The following PARD3B variants were observed in gnomAD, a reference collection of about 807,000 sequenced individuals.
PARD3B encodes the protein partitioning defective 3 homolog B.
A neutral mutation model predicts 130.2 loss-of-function variants in PARD3B; 103 were observed. The observed-to-expected ratio is 0.79, with a 90% CI of 0.67 to 0.93. PARD3B has a LOEUF of 0.93. Ranked by LOEUF, PARD3B falls within the 40% of genes least tolerant of loss-of-function variation. The pLI, the probability that PARD3B is intolerant of heterozygous loss-of-function variation, is 0.00. For synonymous variants in PARD3B, 583 were observed against 553.2 expected (o/e 1.05, Z -0.76); for missense variants, 1,609 against 1,499.2 (o/e 1.07, Z -1.21).
intron 2 of PARD3B, among the ~76,000 whole-genome samples, chr2:204,869,782 C>A (rs1423162078): frequency 6.6e-6 from 1 of 151,956 alleles, no homozygotes; most frequent in African/African-American, 2.4e-5. Context: ...TCATCTCTAC[C>A]CTTAACTTTT....
intron 2 of PARD3B, among the ~76,000 whole-genome samples, chr2:204,705,906 A>G (rs75843267): frequency 0.036 from 5,438 of 152,204 alleles, 274 homozygotes; most frequent in East Asian, 0.14. Flanking sequence ...AACTGATACT[A>G]TGCGGTCCTT....
Position 205,539,939 on chromosome 2 carries a change from G to C in PARD3B, c.3181-13385G>C, listed in dbSNP as rs565018418. On this transcript the variant is annotated intron_variant, in intron 21 of 22. Coordinates refer to ENST00000406610, the MANE Select transcript of PARD3B (RefSeq NM_001302769.2). ...CTTTCACTAGTTCGAAAGTAACTCA[G>C]GAACAGAGGGGAAAAGACTCAGCAG... Among the ~76,000 whole-genome samples the C allele has an allele frequency of 2.8e-4, 43 of 152,266 alleles. 1 individual carries two copies. The highest frequency in any genetic ancestry group is 6.8e-3 in the Middle Eastern group (2 of 294).
chr2:205,113,571 G>C lies in PARD3B; in HGVS notation c.674G>C (p.Ser225Thr), dbSNP rs766856726. 6.2e-7 allele frequency: 1 copy of C among 1,610,388 alleles called. No homozygotes were observed. The highest frequency in any genetic ancestry group is 8.5e-7 in the Non-Finnish European group (1 of 1,177,522). The change falls in exon 6 of 23, where the codon AGT becomes ACT. Residue 225 changes from serine (S) to threonine (T), a missense_variant. By Grantham distance (58) the Ser-to-Thr change is moderately conservative (BLOSUM62 1). Transcript: ENST00000406610. ...GTAGTGCCCTTCTTTTCATCTCTGAGTGGAAGGTAAGATGTTTTTCTCATT... is the reference window on the plus strand; with the variant it reads ...GTAGTGCCCTTCTTTTCATCTCTGACTGGAAGGTAAGATGTTTTTCTCATT... ...IHVVPFFSSL[S>T]GRILGLFIRG...
chr2:204,639,035 C>T (rs2034986049), intron 1 of PARD3B, among the ~76,000 whole-genome samples: 1 of 152,114 alleles, frequency 6.6e-6, no homozygotes, highest in Non-Finnish European at 1.5e-5. Context: ...TCCCAGCCTG[C>T]TCTCACTGAC....
intron 3 of PARD3B, among the ~76,000 whole-genome samples, chr2:204,973,728 AC>A (rs1691911509): frequency 6.6e-6 from 1 of 152,100 alleles, no homozygotes; most frequent in African/African-American, 2.4e-5. Flanking sequence ...CAATATATAC[AC>A]ATTTGGTTAT....
chr2:204,873,336 A>G (rs892340275), intron 2 of PARD3B, among the ~76,000 whole-genome samples: 2 of 152,170 alleles, frequency 1.3e-5, no homozygotes, highest in Non-Finnish European at 2.9e-5. Flanking sequence ...TGTTTTTCCT[A>G]TCATAGCAGG....
At chr2:204,850,879 A>G (rs956050598) in intron 2 of PARD3B, among the ~76,000 whole-genome samples, 3 of 152,194 alleles carry the variant, frequency 2.0e-5, no homozygotes, top group African/African-American at 7.2e-5. Context: ...CTTGATCATT[A>G]TGACTGTCTG....
Position 204,980,113 on chromosome 2 carries a change from C to T in PARD3B, c.394+14790C>T, listed in dbSNP as rs991787449. 3.9e-5 allele frequency among the ~76,000 whole-genome samples: 6 copies of T among 152,052 alleles called. No individual in the cohort carries two copies. In the South Asian group the frequency reaches 1.2e-3, roughly 32 times the overall value. Reference sequence around the variant, plus strand: ...TAGTGTACAGGATACATAAATAACTCCTAAAAGTCATAAGAGGAAAGCATC... The same window carrying T: ...TAGTGTACAGGATACATAAATAACTTCTAAAAGTCATAAGAGGAAAGCATC... On this transcript the variant is annotated intron_variant, in intron 3 of 22. Transcript: ENST00000406610.
At chr2:205,583,384 T>TGTGTGTGC in intron 22 of PARD3B, among the ~76,000 whole-genome samples, 1 of 68,164 alleles carries the variant, frequency 1.5e-5, no homozygotes, top group East Asian at 4.6e-4. Context: ...GCTCTGTGTG[T>TGTGTGTGC]GTGTGTGTGT....
rs1486784619 is a variant in PARD3B at position 205,125,489 on chromosome 2, T to A, written c.1306-120T>A. On this transcript the variant is annotated intron_variant, in intron 9 of 22. Transcript: ENST00000406610. The surrounding 1 kb of genome is among the most constrained non-coding windows in gnomAD (Gnocchi z 4.0). ...GTTTTGCCCATGTATTTAGTTATCA[T>A]CTTTTCAGAGCTTCCTCAAGTATGG... The A allele has an allele frequency of 8.6e-7, 1 of 1,163,230 alleles. No homozygotes were observed. Among genetic ancestry groups the A allele is most frequent in the African/African-American group, 1.5e-5 (1 of 65,094 alleles). The allele number at this position is 1,163,230 out of a possible 1,614,324, so 72.1% of individuals were successfully genotyped here.
chr2:205,234,720 C>A (rs1036067103), intron 15 of PARD3B, among the ~76,000 whole-genome samples: 1 of 152,108 alleles, frequency 6.6e-6, no homozygotes, highest in Non-Finnish European at 1.5e-5. Flanking sequence ...ACACTCTGCA[C>A]AACAACTGAA....
At chr2:205,469,552 G>GCCC (rs2048752007) in intron 20 of PARD3B, among the ~76,000 whole-genome samples, 11 of 152,294 alleles carry the variant, frequency 7.2e-5, no homozygotes, top group Middle Eastern at 3.4e-3. Context: ...TGCTTCAGAA[G>GCCC]CTTCTTAAGG....
At chr2:205,220,564 T>C (rs1371707934) in intron 15 of PARD3B, among the ~76,000 whole-genome samples, 7 of 152,276 alleles carry the variant, frequency 4.6e-5, no homozygotes, top group Admixed American at 2.0e-4. Context: ...GCTCCAGAGA[T>C]AAAACAGTGA....
chr2:205,529,406 A>G (rs1002706897), intron 21 of PARD3B, among the ~76,000 whole-genome samples: 9 of 152,198 alleles, frequency 5.9e-5, no homozygotes, highest in Non-Finnish European at 1.3e-4. Flanking sequence ...TAGGGAAGAG[A>G]TCTTACAGCA....
rs1044909154 is a variant in PARD3B, at chr2:205,263,429, T to C, written c.2185+17607T>C. Among the ~76,000 whole-genome samples the C allele has an allele frequency of 1.3e-5, 2 of 151,284 alleles. No homozygotes were observed. Among genetic ancestry groups the C allele is most frequent in the Admixed American group, 1.3e-4 (2 of 15,138 alleles). On this transcript the variant is annotated intron_variant, in intron 16 of 22. Transcript: ENST00000406610. The surrounding 1 kb of genome is among the most constrained non-coding windows in gnomAD (Gnocchi z 4.0). ...AAGGAGTTTCCCTTTATCATTTAAA[T>C]AGCAAACAGAATGAACATTTTAAAG...
intron 1 of PARD3B, among the ~76,000 whole-genome samples, chr2:204,592,605 A>T (rs2033124225): frequency 6.6e-6 from 1 of 152,230 alleles, no homozygotes; most frequent in Admixed American, 6.5e-5. Context: ...TAATTTTTAT[A>T]ACAGCTTTAT....
At chr2:205,302,207 T>G (rs537999404) in intron 18 of PARD3B, among the ~76,000 whole-genome samples, 3 of 151,432 alleles carry the variant, frequency 2.0e-5, no homozygotes, top group African/African-American at 7.3e-5. Context: ...TAGCTGAGAC[T>G]ATAGGCATGC....
At chr2:204,732,232 G>A (rs910377312) in intron 2 of PARD3B, among the ~76,000 whole-genome samples, 1 of 152,064 alleles carries the variant, frequency 6.6e-6, no homozygotes, top group South Asian at 2.1e-4. Context: ...TTATGAAACT[G>A]GACTGTAATT....
intron 3 of PARD3B, among the ~76,000 whole-genome samples, chr2:204,970,319 A>T (rs2125173284): frequency 6.6e-6 from 1 of 152,336 alleles, no homozygotes; most frequent in Admixed American, 6.5e-5. Flanking sequence ...AAGTCATTTA[A>T]CCTATCTCTA....
Sources: gnomAD v4.1 joint callset for allele counts (sites outside exome capture counted in the v4.1 genomes callset) on GRCh38, gnomAD v4.1.1 for gene constraint, Gnocchi (gnomAD v3.1) non-coding constraint, MANE v1.5 for transcripts, NCBI Gene and HGNC (gene_info 2026-07-23, HGNC 2026-07-21) for gene names.